The following BBS9 variants were observed in gnomAD, a reference collection of about 807,000 sequenced individuals.
BBS9 encodes Bardet-Biedl syndrome 9, also known as protein PTHB1.
In BBS9, 89 loss-of-function variants were observed where a neutral mutation model predicts 117.7. The ratio of observed to expected loss-of-function variants is 0.76; its 90% CI spans 0.64 to 0.90. BBS9 has a LOEUF of 0.90. Among genes scored for constraint, BBS9 ranks in the 40% least tolerant of loss-of-function variants. BBS9 has a pLI of 0.00. For synonymous variants in BBS9, 379 were observed against 370.9 expected (o/e 1.02, Z -0.25); for missense variants, 982 against 1,042.2 (o/e 0.94, Z 0.80).
At chr7:33,324,226 T>G (rs1451886869) in intron 9 of BBS9, among the ~76,000 whole-genome samples, 1 of 152,180 alleles carries the variant, frequency 6.6e-6, no homozygotes, top group Admixed American at 6.5e-5. Flanking sequence ...GTTGTATGTG[T>G]TTTGATTTGA....
intron 19 of BBS9, among the ~76,000 whole-genome samples, chr7:33,450,893 G>GTTTTTTT (rs1319158373): frequency 2.9e-5 from 4 of 137,300 alleles, no homozygotes; most frequent in Admixed American, 1.4e-4. Context: ...TTGTTTTTTT[G>GTTTTTTT]TTTTTTTGTT....
At chr7:33,604,100 G>C (rs6971448) in intron 21 of BBS9, among the ~76,000 whole-genome samples, 53,478 of 152,088 alleles carry the variant, frequency 0.35, 12,543 homozygotes, top group African/African-American at 0.67. Flanking sequence ...TCGGAAAAAA[G>C]CATGTACAGT....
intron 1 of BBS9, among the ~76,000 whole-genome samples, chr7:33,131,697 T>A (rs1789634471): frequency 6.6e-6 from 1 of 152,182 alleles, no homozygotes; most frequent in Admixed American, 6.5e-5. Flanking sequence ...GCTGATCATA[T>A]TGTAGGACTA....
At chr7:33,216,130 C>G (rs1789012964) in intron 5 of BBS9, among the ~76,000 whole-genome samples, 1 of 152,212 alleles carries the variant, frequency 6.6e-6, no homozygotes. Flanking sequence ...ATGCATATTT[C>G]TGACACTAGG....
intron 21 of BBS9, among the ~76,000 whole-genome samples, chr7:33,568,041 A>G (rs1354506972): frequency 6.6e-6 from 1 of 152,170 alleles, no homozygotes; most frequent in Admixed American, 6.5e-5. Context: ...CAGAACACAT[A>G]GAAAGAACTT....
At chr7:33,623,520 C>T in intron 21 of BBS9, among the ~76,000 whole-genome samples, 1 of 152,046 alleles carries the variant, frequency 6.6e-6, no homozygotes, top group Middle Eastern at 3.2e-3. Flanking sequence ...GAATTACATT[C>T]CTAGATGTAT....
At chr7:33,283,891 G>T (rs529964393) in intron 9 of BBS9, among the ~76,000 whole-genome samples, 1 of 152,056 alleles carries the variant, frequency 6.6e-6, no homozygotes, top group African/African-American at 2.4e-5. Flanking sequence ...TGCCCTGGGG[G>T]TCCATTTTCC....
chr7:33,220,802 A>C (rs951614582), intron 5 of BBS9, among the ~76,000 whole-genome samples: 1 of 152,252 alleles, frequency 6.6e-6, no homozygotes, highest in Non-Finnish European at 1.5e-5. Flanking sequence ...ACATGGAGTA[A>C]TAATAACAAA....
At chr7:33,493,756 A>G (rs957740415) in intron 19 of BBS9, among the ~76,000 whole-genome samples, 11 of 152,184 alleles carry the variant, frequency 7.2e-5, no homozygotes, top group African/African-American at 2.2e-4. Context: ...GTCAAGACAC[A>G]GGAACATTTA....
At chr7:33,190,573 G>C (rs1783957416) in intron 5 of BBS9, among the ~76,000 whole-genome samples, 1 of 152,106 alleles carries the variant, frequency 6.6e-6, no homozygotes, top group Non-Finnish European at 1.5e-5. Context: ...GATCAGATCT[G>C]GTTTCTCTCT....
chr7:33,596,639 G>A (rs754210315), intron 21 of BBS9, among the ~76,000 whole-genome samples: 1 of 151,972 alleles, frequency 6.6e-6, no homozygotes, highest in East Asian at 1.9e-4. Flanking sequence ...ATTCTTCCTC[G>A]CTATACCTCC....
intron 5 of BBS9, 42 bp from the exon 6 acceptor site, chr7:33,257,194 T>G: frequency 7.5e-7 from 1 of 1,326,264 alleles, no homozygotes; most frequent in Non-Finnish European, 1.0e-6. Context: ...ATTATATTTA[T>G]AAAAAGAATA....
At position 33,501,772 on chromosome 7, in the gene BBS9, C is replaced by T. The variant is rs556308555; in HGVS notation, c.2116-3691C>T. On this transcript the variant is annotated intron_variant, in intron 19 of 22. Coordinates refer to ENST00000242067, the MANE Select transcript of BBS9 (RefSeq NM_198428.3). ...CAGCCTCCATTAAGTAACACCCACA[C>T]TCAGAATACTCTGTGGCTCCCCAGT... 1.1e-4 allele frequency among the ~76,000 whole-genome samples: 17 copies of T among 152,292 alleles called. No homozygotes were observed. The East Asian group carries it at 3.1e-3, about 28-fold the overall frequency.
In BBS9 at chr7:33,265,196, G is replaced by A. The variant is rs867292981; in HGVS notation, c.702+822G>A. Among the ~76,000 whole-genome samples, 7 of 152,146 alleles carry A rather than the reference G, an allele frequency of 4.6e-5. No individual in the cohort carries two copies. In the South Asian group the frequency reaches 1.0e-3, roughly 23 times the overall value. ...GAAGGAAGCTAAATGGAGAAATAATGTAGAATTTAGAATACTAACATAACA... is the reference window on the plus strand; with the variant it reads ...GAAGGAAGCTAAATGGAGAAATAATATAGAATTTAGAATACTAACATAACA... On this transcript the variant is annotated intron_variant, in intron 7 of 22. Coordinates refer to ENST00000242067, the MANE Select transcript of BBS9 (RefSeq NM_198428.3).
chr7:33,392,474 A>G (rs1232282878), intron 19 of BBS9, among the ~76,000 whole-genome samples: 2 of 152,174 alleles, frequency 1.3e-5, no homozygotes, highest in Non-Finnish European at 1.5e-5. Context: ...CATGGTGACT[A>G]TATGTCCCAA....
At chr7:33,607,197 TCTC>T (rs1345937595), downstream of BBS9, among the ~76,000 whole-genome samples, 6 of 152,148 alleles carry the variant, frequency 3.9e-5, no homozygotes, top group Non-Finnish European at 8.8e-5. Flanking sequence ...GGTCAACTAA[TCTC>T]CTAAAAGAAG....
At chr7:33,323,717 G>T (rs368874209) in intron 9 of BBS9, among the ~76,000 whole-genome samples, 3 of 150,714 alleles carry the variant, frequency 2.0e-5, no homozygotes, top group African/African-American at 4.9e-5. Flanking sequence ...TCTTTTGATT[G>T]TACAGTTTAG....
chr7:33,182,888 A>C (rs1487803317), intron 5 of BBS9, among the ~76,000 whole-genome samples: 2 of 152,036 alleles, frequency 1.3e-5, no homozygotes, highest in Non-Finnish European at 2.9e-5. Context: ...TTTATACCAG[A>C]TCCTGGATCC....
chr7:33,343,751 G>A (rs552985316), intron 11 of BBS9, among the ~76,000 whole-genome samples: 93 of 152,038 alleles, frequency 6.1e-4, no homozygotes, highest in African/African-American at 2.1e-3. Context: ...CACCTGCTTC[G>A]GCCTCCCAAA....
Sources: gnomAD v4.1 joint callset for allele counts (sites outside exome capture counted in the v4.1 genomes callset) on GRCh38, gnomAD v4.1.1 for gene constraint, MANE v1.5 for transcripts, NCBI Gene and HGNC (gene_info 2026-07-23, HGNC 2026-07-21) for gene names.